Variants in TTC39B observed in about 807,000 individuals in gnomAD.
TTC39B encodes the protein tetratricopeptide repeat domain 39B, also known as tetratricopeptide repeat protein 39B.
A neutral mutation model predicts 96.6 loss-of-function variants in TTC39B; 92 were observed. The observed-to-expected ratio is 0.95, with a 90% CI of 0.80 to 1.13. TTC39B has a LOEUF of 1.13. TTC39B is among the 50% of genes most tolerant of loss of function. The probability of loss-of-function intolerance (pLI) is 0.00; values close to 1 mark genes in which losing one functional copy is unlikely to be tolerated. For synonymous variants in TTC39B, 367 were observed against 299.4 expected (o/e 1.23, Z -2.33); for missense variants, 955 against 809.3 (o/e 1.18, Z -2.18).
chr9:15,188,124 T>G (rs1213548959), exon 14 of TTC39B: 4 of 1,599,386 alleles, frequency 2.5e-6, no homozygotes, highest in Non-Finnish European at 3.4e-6. Flanking sequence ...TTTGAAATAC[T>G]TCTTGTGCCT....
chr9:15,234,161 C>T (rs1364387412), intron 2 of TTC39B, among the ~76,000 whole-genome samples: 7 of 151,230 alleles, frequency 4.6e-5, no homozygotes, highest in East Asian at 2.0e-4. Context: ...GCCCGGCAGC[C>T]GCCCCATCTG....
At chr9:15,259,666 C>G (rs555167004) in intron 2 of TTC39B, among the ~76,000 whole-genome samples, 62 of 152,252 alleles carry the variant, frequency 4.1e-4, no homozygotes, top group Non-Finnish European at 7.1e-4. Context: ...TAGGATGGTT[C>G]AACTTGCAAT....
At chr9:15,295,809 C>T (rs962241967) in intron 1 of TTC39B, among the ~76,000 whole-genome samples, 6 of 152,174 alleles carry the variant, frequency 3.9e-5, no homozygotes, top group African/African-American at 1.4e-4. Flanking sequence ...GCTGGCCACT[C>T]TCTCAGAAAC....
exon 20 of TTC39B, chr9:15,171,959 G>A: frequency 7.6e-7 from 1 of 1,307,678 alleles, no homozygotes; most frequent in African/African-American, 1.5e-5. Context: ...TTAATATAAG[G>A]TTGAATCTAT....
At chr9:15,298,154 C>A (rs1045571093) in intron 1 of TTC39B, among the ~76,000 whole-genome samples, 2 of 152,160 alleles carry the variant, frequency 1.3e-5, no homozygotes, top group African/African-American at 4.8e-5. Context: ...CATCAGAACT[C>A]AAGGTTCTCC....
chr9:15,272,001 C>T (rs1481765971), intron 1 of TTC39B, among the ~76,000 whole-genome samples: 1 of 152,170 alleles, frequency 6.6e-6, no homozygotes, highest in African/African-American at 2.4e-5. Context: ...GTGGGGTCCA[C>T]GTGGAGGATG....
At chr9:15,220,895 C>G (rs183581725) in intron 3 of TTC39B, among the ~76,000 whole-genome samples, 1 of 152,240 alleles carries the variant, frequency 6.6e-6, no homozygotes. Flanking sequence ...TGAACACACC[C>G]GATCTTGTCT....
chr9:15,271,583 G>A (rs771674826), intron 1 of TTC39B, among the ~76,000 whole-genome samples: 142 of 151,916 alleles, frequency 9.3e-4, no homozygotes, highest in Non-Finnish European at 1.1e-3. Context: ...TCACGCCACC[G>A]CTGATCTAAC....
chr9:15,247,851 GA>G (rs57735484), intron 2 of TTC39B, among the ~76,000 whole-genome samples: 41 of 138,180 alleles, frequency 3.0e-4, no homozygotes, highest in Middle Eastern at 7.4e-3. Context: ...GAAGAAAAAG[GA>G]AAAAAAAAAA....
intron 2 of TTC39B, among the ~76,000 whole-genome samples, chr9:15,234,420 C>T (rs572894558): frequency 6.7e-6 from 1 of 149,504 alleles, no homozygotes; most frequent in African/African-American, 2.5e-5. Context: ...GGGTCAGCCC[C>T]CCGCCCGGCC....
At position 15,199,713 on chromosome 9, in the gene TTC39B, T is replaced by C. The variant is rs1045580919; in HGVS notation, c.824+148A>G. On this transcript the variant is annotated intron_variant, in intron 8 of 19. Transcript: ENST00000512701. Reference sequence around the variant, plus strand: ...TTGCGCCACTGCACTCCAACCTGGGTGACAGAGTGAGACTCCGTCTCAAAA... The same window carrying C: ...TTGCGCCACTGCACTCCAACCTGGGCGACAGAGTGAGACTCCGTCTCAAAA... 18 of 339,252 alleles carry C rather than the reference T, an allele frequency of 5.3e-5. 1 individual carries two copies. The highest frequency in any genetic ancestry group is 7.8e-5 in the Non-Finnish European group (16 of 205,318). 21.0% of individuals were successfully genotyped at this position (339,252 alleles called of 1,614,324 possible).
intron 9 of TTC39B, among the ~76,000 whole-genome samples, chr9:15,191,460 T>A (rs1037655782): frequency 6.6e-6 from 1 of 152,024 alleles, no homozygotes; most frequent in African/African-American, 2.4e-5. Context: ...CTTTAAAAAG[T>A]TTTTTTTAAG....
intron 13 of TTC39B, 144 bp downstream of exon 13, chr9:15,189,430 G>A: frequency 1.4e-6 from 1 of 719,804 alleles, no homozygotes; most frequent in Middle Eastern, 4.0e-4. Flanking sequence ...AAAAGTTTTG[G>A]CTTTTTACTT....
chr9:15,193,856 G>C (rs1251817581), intron 8 of TTC39B, among the ~76,000 whole-genome samples: 2 of 152,140 alleles, frequency 1.3e-5, no homozygotes, highest in Admixed American at 1.3e-4. Context: ...TAAATAATTG[G>C]CCAGTTTATT....
intron 2 of TTC39B, among the ~76,000 whole-genome samples, chr9:15,245,444 C>A (rs1238424489): frequency 6.6e-6 from 1 of 152,100 alleles, no homozygotes; most frequent in East Asian, 1.9e-4. Context: ...ATTTATTCAG[C>A]CTGTGGTATC....
Position 15,185,505 on chromosome 9 carries a change from G to C in TTC39B, c.1488-99C>G, listed in dbSNP as rs866694344. On this transcript the variant is annotated intron_variant, in intron 15 of 19. Coordinates refer to ENST00000512701, the Ensembl canonical transcript of TTC39B. ...CAGTGAACTTCACAGACCACCAGCA[G>C]CAGCAGCAGCATCACCTGGGAACCT... The C allele has an allele frequency of 1.3e-5, 20 of 1,538,228 alleles. No homozygotes were observed. In the African/African-American group the frequency reaches 2.4e-4, roughly 18 times the overall value.
chr9:15,190,506 T>C, intron 11 of TTC39B, 48 bp downstream of exon 11: 1 of 1,553,046 alleles, frequency 6.4e-7, no homozygotes, highest in Non-Finnish European at 8.9e-7. Flanking sequence ...ACACCATGTC[T>C]GGCCAAGACA....
At chr9:15,186,562 T>A in intron 15 of TTC39B, 1 of 155,522 alleles carries the variant, frequency 6.4e-6, no homozygotes, top group Non-Finnish European at 1.4e-5. Context: ...TTAAAAGATT[T>A]TAATGTATCT....
intron 9 of TTC39B, among the ~76,000 whole-genome samples, chr9:15,191,507 C>A (rs1449098845): frequency 3.3e-5 from 5 of 152,064 alleles, no homozygotes; most frequent in Admixed American, 1.3e-4. Context: ...AATACTGGGA[C>A]CTTTGATGTG....
Sources: allele counts gnomAD v4.1 joint callset (sites outside exome capture counted in the v4.1 genomes callset), GRCh38; gene constraint gnomAD v4.1.1; transcripts MANE v1.5; gene names NCBI Gene and HGNC (gene_info 2026-07-23, HGNC 2026-07-21).